KCNH7: variants seen among roughly 807,000 people sequenced by gnomAD.
KCNH7 encodes the protein voltage-gated inwardly rectifying potassium channel KCNH7.
KCNH7 carries 49 observed loss-of-function variants against 120.8 expected under a neutral mutation model. The ratio of observed to expected loss-of-function variants is 0.41; its 90% CI spans 0.32 to 0.51. The LOEUF (loss-of-function observed/expected upper bound fraction) is 0.51. Among genes scored for constraint, KCNH7 ranks in the 20% least tolerant of loss-of-function variants. The pLI is 0.38. For synonymous variants in KCNH7, 547 were observed against 516.1 expected (o/e 1.06, Z -0.81); for missense variants, 1,097 against 1,446.6 (o/e 0.76, Z 3.92).
At chr2:162,382,910 T>A (rs1022311537) in intron 13 of KCNH7, among the ~76,000 whole-genome samples, 1 of 151,996 alleles carries the variant, frequency 6.6e-6, no homozygotes, top group African/African-American at 2.4e-5. Context: ...GACATGCATA[T>A]TTAGCTGTAC....
At chr2:162,667,100 G>T (rs531208255) in intron 2 of KCNH7, among the ~76,000 whole-genome samples, 1 of 147,286 alleles carries the variant, frequency 6.8e-6, no homozygotes, top group Non-Finnish European at 1.5e-5. Flanking sequence ...GCCCACTGCA[G>T]CCTCGACCTC....
chr2:162,747,745 T>A (rs934935685), intron 2 of KCNH7, among the ~76,000 whole-genome samples: 5 of 152,196 alleles, frequency 3.3e-5, no homozygotes, highest in Admixed American at 1.3e-4. Context: ...TTATGACTTC[T>A]ATTATAGAAT....
Position 162,512,663 on chromosome 2 carries a change from T to G in KCNH7, c.904A>C (p.Asn302His). ...DRHASEDNGR[N>H]VKGPFNHIKS... Reference sequence around the variant, plus strand: ...TGAGTTTGTACATTACCTTTGACATTGCGACCATTGTCTGTTTTGAGCACA... The same window carrying G: ...TGAGTTTGTACATTACCTTTGACATGGCGACCATTGTCTGTTTTGAGCACA... The change falls in exon 5 of 16, where the codon AAT becomes CAT. Residue 302 changes from asparagine (N) to histidine (H), a missense_variant. Physicochemically the swap from Asn to His is moderately conservative, Grantham distance 68. This residue lies in a region of KCNH7 where 362 missense variants were observed against 372.2 expected (regional missense o/e 0.97). Coordinates refer to ENST00000332142, the MANE Select transcript of KCNH7 (RefSeq NM_033272.4). The G allele has an allele frequency of 6.2e-7, 1 of 1,608,920 alleles. No homozygotes were observed. The highest frequency in any genetic ancestry group is 8.5e-7 in the Non-Finnish European group (1 of 1,176,780).
At chr2:162,575,582 C>A (rs1452428656) in intron 2 of KCNH7, among the ~76,000 whole-genome samples, 1 of 152,012 alleles carries the variant, frequency 6.6e-6, no homozygotes, top group Non-Finnish European at 1.5e-5. Flanking sequence ...CCCATGTTTC[C>A]TGAATGTTAT....
chr2:162,478,895 G>T (rs1466947929), intron 6 of KCNH7, among the ~76,000 whole-genome samples: 1 of 152,112 alleles, frequency 6.6e-6, no homozygotes, highest in Non-Finnish European at 1.5e-5. Context: ...TTAGAGAGCA[G>T]GTTAAACTCC....
intron 2 of KCNH7, among the ~76,000 whole-genome samples, chr2:162,632,273 C>G (rs1683799442): frequency 6.6e-6 from 1 of 151,884 alleles, no homozygotes; most frequent in African/African-American, 2.4e-5. Flanking sequence ...GCAACAACAA[C>G]ACAGCATAAA....
At chr2:162,398,577 C>A (rs1472411763) in intron 10 of KCNH7, among the ~76,000 whole-genome samples, 1 of 151,778 alleles carries the variant, frequency 6.6e-6, no homozygotes, top group Non-Finnish European at 1.5e-5. Context: ...TAAAAAAGAC[C>A]TGAATTAAAT....
At chr2:162,670,113 CA>C (rs1685292161) in intron 2 of KCNH7, among the ~76,000 whole-genome samples, 1 of 147,890 alleles carries the variant, frequency 6.8e-6, no homozygotes, top group African/African-American at 2.5e-5. Context: ...AACAAACAAA[CA>C]AAAGAAGAAA....
chr2:162,746,533 C>G (rs751658643), intron 2 of KCNH7, among the ~76,000 whole-genome samples: 3 of 152,076 alleles, frequency 2.0e-5, no homozygotes, highest in Non-Finnish European at 4.4e-5. Flanking sequence ...CACTGCCAGA[C>G]TTTACACTTT....
chr2:162,817,229 C>A lies in KCNH7; in HGVS notation c.307+19308G>T, dbSNP rs146217451. On this transcript the variant is annotated intron_variant, in intron 2 of 15. Coordinates refer to ENST00000332142, the MANE Select transcript of KCNH7 (RefSeq NM_033272.4). ...TGTTCTCTTCTAGTCAATCCTTAAC[C>A]CCCCGTCCTAGAGGCAACTACTGTT... Among the ~76,000 whole-genome samples the A allele has an allele frequency of 5.8e-3, 880 of 152,216 alleles. 11 individuals are homozygous for A. The highest frequency in any genetic ancestry group is 0.02 in the African/African-American group (827 of 41,534).
At chr2:162,544,655 A>G (rs982275501) in intron 2 of KCNH7, among the ~76,000 whole-genome samples, 4 of 152,090 alleles carry the variant, frequency 2.6e-5, no homozygotes, top group Non-Finnish European at 5.9e-5. Flanking sequence ...TTTATAAGCA[A>G]TGGCTTGATA....
intron 2 of KCNH7, among the ~76,000 whole-genome samples, chr2:162,826,903 G>T (rs1275451861): frequency 6.6e-6 from 1 of 152,058 alleles, no homozygotes; most frequent in Non-Finnish European, 1.5e-5. Context: ...CTGCCTGAGG[G>T]ACTTAGAGAC....
rs565585613 is a variant in KCNH7, at chr2:162,560,178, C to T, written c.308-23098G>A. On this transcript the variant is annotated intron_variant, in intron 2 of 15. Coordinates refer to ENST00000332142, the MANE Select transcript of KCNH7 (RefSeq NM_033272.4). ...ATTCAATGAAGTAAATGTCAAATTG[C>T]ATTGCCACAAAATTTATTAACCGAG... Among the ~76,000 whole-genome samples the T allele has an allele frequency of 2.9e-3, 448 of 152,280 alleles. 1 individual carries two copies. The highest frequency in any genetic ancestry group is 5.2e-3 in the Non-Finnish European group (353 of 68,016).
At chr2:162,716,130 T>C (rs1393947801) in intron 2 of KCNH7, among the ~76,000 whole-genome samples, 43 of 152,168 alleles carry the variant, frequency 2.8e-4, no homozygotes, top group Admixed American at 2.8e-3. Context: ...AGGTTTAAAA[T>C]AGTGGATTTC....
intron 2 of KCNH7, among the ~76,000 whole-genome samples, chr2:162,599,675 T>C (rs1233174230): frequency 6.6e-6 from 1 of 152,056 alleles, no homozygotes; most frequent in Non-Finnish European, 1.5e-5. Context: ...TTCTAATTTA[T>C]GTATCTCATA....
In KCNH7 at chr2:162,435,714, C is replaced by T. The variant is rs1007476884; in HGVS notation, c.1555-117G>A. ...AATAGGGTAGCATTAAGGATAACTGCCTATTTAAATTCAGTATTAAACTTG... is the reference window on the plus strand; with the variant it reads ...AATAGGGTAGCATTAAGGATAACTGTCTATTTAAATTCAGTATTAAACTTG... On this transcript the variant is annotated intron_variant, in intron 7 of 15. Transcript: ENST00000332142. 4 of 972,966 alleles carry T rather than the reference C, an allele frequency of 4.1e-6. No individual in the cohort carries two copies. The African/African-American group carries it at 4.9e-5, about 12-fold the overall frequency. The allele number at this position is 972,966 out of a possible 1,614,324, so 60.3% of individuals were successfully genotyped here. A position where few individuals can be genotyped will look rare whatever the true frequency, so the allele number is the denominator to read the frequency against.
chr2:162,508,775 G>T (rs183978927), intron 5 of KCNH7, among the ~76,000 whole-genome samples: 168 of 151,592 alleles, frequency 1.1e-3, no homozygotes, highest in Middle Eastern at 3.4e-3. Context: ...GGATTTAAAG[G>T]TGAAAGGCAG....
At chr2:162,498,024 G>A (rs1690552323) in intron 6 of KCNH7, among the ~76,000 whole-genome samples, 1 of 151,964 alleles carries the variant, frequency 6.6e-6, no homozygotes, top group Non-Finnish European at 1.5e-5. Flanking sequence ...GATTAAATCT[G>A]AACTAATTTT....
intron 2 of KCNH7, among the ~76,000 whole-genome samples, chr2:162,741,359 T>C (rs1053183187): frequency 6.6e-6 from 1 of 150,874 alleles, no homozygotes; most frequent in Admixed American, 6.6e-5. Context: ...ATTAATAACA[T>C]GCTATTTTCA....
Sources: gnomAD v4.1 joint callset for allele counts (sites outside exome capture counted in the v4.1 genomes callset) on GRCh38, gnomAD v4.1.1 for gene constraint, gnomAD v4.1.1 regional missense constraint, MANE v1.5 for transcripts, NCBI Gene and HGNC (gene_info 2026-07-23, HGNC 2026-07-21) for gene names.